The following FBXO5 variants were observed in gnomAD, a reference collection of about 807,000 sequenced individuals.
FBXO5 encodes F-box protein 5, also known as F-box only protein 5.
FBXO5 carries 8 observed loss-of-function variants against 43.3 expected under a neutral mutation model. The ratio of observed to expected loss-of-function variants is 0.18; its 90% CI spans 0.11 to 0.33. FBXO5 has a LOEUF of 0.33. Ranked by LOEUF, FBXO5 falls within the 10% of genes least tolerant of loss-of-function variation. The probability of loss-of-function intolerance (pLI) is 1.00; values close to 1 mark genes in which losing one functional copy is unlikely to be tolerated. For missense variants in FBXO5, 491 were observed against 535.7 expected, an observed-to-expected ratio of 0.92 and a Z score of 0.82; for synonymous variants, 204 against 193.7, an observed-to-expected ratio of 1.05 and a Z score of -0.44.
chr6:152,972,744 A>G (rs969104184), intron 3 of FBXO5: 3 of 468,770 alleles, frequency 6.4e-6, no homozygotes, highest in African/African-American at 5.8e-5. Context: ...CAAATTTTCC[A>G]GATGTTATAA....
chr6:152,973,532 A>T (rs9322406), intron 2 of FBXO5: 25,994 of 159,776 alleles, frequency 0.16, 2,663 homozygotes, highest in Non-Finnish European at 0.23. Context: ...GAAACTCACT[A>T]TGTTAACAGA....
intron 4 of FBXO5, 92 bp downstream of exon 4, chr6:152,972,180 G>C: frequency 1.2e-6 from 1 of 838,660 alleles, no homozygotes; most frequent in Non-Finnish European, 1.8e-6. Context: ...TTATTATCTA[G>C]AGCAAAGTTA....
intron 3 of FBXO5, 170 bp downstream of exon 3, chr6:152,972,876 T>C (rs1778107196): frequency 2.2e-6 from 1 of 455,830 alleles, no homozygotes; most frequent in Non-Finnish European, 3.8e-6. Context: ...AAGAAATAAA[T>C]GTTGAGTTGA....
intron 1 of FBXO5, among the ~76,000 whole-genome samples, chr6:152,979,789 T>C (rs962881557): frequency 6.6e-6 from 1 of 152,226 alleles, no homozygotes; most frequent in Non-Finnish European, 1.5e-5. Context: ...TTCACATACT[T>C]AAATCATTTT....
At position 152,975,536 on chromosome 6, in the gene FBXO5, T is replaced by C. The variant is rs751365573; in HGVS notation, c.189A>G (p.Val63=). ...CTAGTCTTCCAATGTCATCAGGTTT[T>C]ACCAGTTTAAGTCCGGAATGAACAT... is the stretch of plus-strand genomic sequence containing the variant. ...CNHVHSGLKL[V]KPDDIGRLVS... Residue 63 remains valine (V), a synonymous_variant, in exon 2 of 5, where the codon GTA becomes GTG. Coordinates refer to ENST00000229758, the MANE Select transcript of FBXO5 (RefSeq NM_012177.5). The C allele has an allele frequency of 3.1e-6, 5 of 1,613,614 alleles. No individual in the cohort carries two copies. Among genetic ancestry groups the C allele is most frequent in the South Asian group, 2.2e-5 (2 of 91,012 alleles).
rs756791089 is a variant in FBXO5 at position 152,974,980 on chromosome 6, C to T, written c.745G>A (p.Glu249Lys). The T allele has an allele frequency of 4.3e-6, 7 of 1,613,438 alleles. No individual in the cohort carries two copies. The East Asian group carries it at 6.7e-5, about 15-fold the overall frequency. Residue 249 changes from glutamate to lysine, a missense_variant, in exon 2 of 5, where the codon GAA (glutamate) becomes AAA (lysine). Transcript: ENST00000229758. The part of the protein sequence containing the change: ...MGLECVDILS[E>K]LFRRGLRHVL... ...TGTCTGAGTCCCCTTCGAAAGAGTT[C>T]GCTGAGAATATCTACACATTCTAGG...
Position 152,983,017 on chromosome 6 carries a change from A to C in FBXO5, c.-58T>G, listed in dbSNP as rs982505446. 2 of 1,074,546 alleles carry C rather than the reference A, an allele frequency of 1.9e-6. No individual in the cohort carries two copies. The highest frequency in any genetic ancestry group is 3.3e-5 in the African/African-American group (2 of 59,838). 66.6% of individuals were successfully genotyped at this position (1,074,546 alleles called of 1,614,324 possible). ...GAACCGCTCCGGGGGCAGCTGAGCA[A>C]CCTGCCTGCTTCACAGACCTGTATC... On this transcript the variant is annotated 5_prime_UTR_variant, in exon 1 of 5. Coordinates refer to ENST00000229758, the MANE Select transcript of FBXO5 (RefSeq NM_012177.5).
At chr6:152,981,979 T>A (rs1401181629) in intron 1 of FBXO5, among the ~76,000 whole-genome samples, 2 of 152,210 alleles carry the variant, frequency 1.3e-5, no homozygotes, top group African/African-American at 2.4e-5. Flanking sequence ...TAATTCTTCA[T>A]GAGTTATCGG....
intron 1 of FBXO5, among the ~76,000 whole-genome samples, chr6:152,979,976 A>C (rs544937491): frequency 6.6e-6 from 1 of 152,348 alleles, no homozygotes; most frequent in East Asian, 1.9e-4. Flanking sequence ...ATTTTAAAAT[A>C]TGAAATTAAT....
chr6:152,980,100 G>A (rs1350465365), intron 1 of FBXO5, among the ~76,000 whole-genome samples: 1 of 152,174 alleles, frequency 6.6e-6, no homozygotes, highest in Admixed American at 6.5e-5. Flanking sequence ...CTTTTAACTA[G>A]CTAAGTGTTT....
chr6:152,972,225 CTCTAAATCTCTTATGTTTTAAGA>C, intron 4 of FBXO5, 24 bp downstream of exon 4: 1 of 1,419,454 alleles, frequency 7.0e-7, no homozygotes, highest in Non-Finnish European at 9.7e-7. Context: ...ACATTTCTTA[CTCTAAATCTCTTATGTTTTAAGA>C]TTTATGATTA....
At chr6:152,979,004 A>C (rs1184365266) in intron 1 of FBXO5, among the ~76,000 whole-genome samples, 1 of 152,118 alleles carries the variant, frequency 6.6e-6, no homozygotes, top group Admixed American at 6.5e-5. Context: ...AAAAAAGAAA[A>C]AAGAAAAAAA....
chr6:152,972,205 A>C, intron 4 of FBXO5, 67 bp downstream of exon 4: 1 of 1,218,106 alleles, frequency 8.2e-7, no homozygotes, highest in Non-Finnish European at 1.1e-6. Context: ...TTGACCTTGA[A>C]AGTTCTTTTA....
At position 152,977,813 on chromosome 6, in the gene FBXO5, A is replaced by G. The variant is rs1374831681; in HGVS notation, c.104-2192T>C. On this transcript the variant is annotated intron_variant, in intron 1 of 4. Coordinates refer to ENST00000229758, the MANE Select transcript of FBXO5 (RefSeq NM_012177.5). ...GCCTGAAAATACTTCAGGAATTCAA[A>G]GTCATTCTCTTTCTGCTGTCTTTAG... Among the ~76,000 whole-genome samples, 4 of 152,322 alleles carry G rather than the reference A, an allele frequency of 2.6e-5. No individual in the cohort carries two copies. In the South Asian group the frequency reaches 6.2e-4, roughly 24 times the overall value.
At chr6:152,973,990 T>C (rs6906510) in intron 2 of FBXO5, 31,231 of 150,750 alleles carry the variant, frequency 0.21, 3,464 homozygotes, top group African/African-American at 0.29. Context: ...AAAAAACAAC[T>C]CCAGTTAAGT....
At position 152,975,342 on chromosome 6, in the gene FBXO5, T is replaced by G. The variant is rs759331690; in HGVS notation, c.383A>C (p.Asn128Thr). The G allele has an allele frequency of 8.1e-6, 13 of 1,614,066 alleles. No homozygotes were observed. The South Asian group carries it at 1.3e-4, about 16-fold the overall frequency. ...KENQHVQQTL[N>T]STNEIEALET... is the part of the protein sequence containing the mutation. ...TAGTGCTTCTATTTCATTTGTACTA[T>G]TAAGTGTCTGTTGCACATGTTGATT... The change falls in exon 2 of 5, where the codon AAT becomes ACT. Residue 128 changes from asparagine to threonine, a missense_variant. Asn to Thr is a moderately conservative substitution (Grantham distance 65, BLOSUM62 0). Coordinates refer to ENST00000229758, the MANE Select transcript of FBXO5 (RefSeq NM_012177.5).
At position 152,983,038 on chromosome 6, in the gene FBXO5, G is replaced by GT. The variant is rs992937576; in HGVS notation, c.-80dup. The GT allele has an allele frequency of 7.1e-6, 6 of 844,198 alleles. No homozygotes were observed. Among genetic ancestry groups the GT allele is most frequent in the Middle Eastern group, 2.4e-4 (1 of 4,226 alleles). 52.3% of individuals were successfully genotyped at this position (844,198 alleles called of 1,614,324 possible). ...AGCAACCTGCCTGCTTCACAGACCT[G>GT]TATCTCTTAAAAGGCGCCAGCTGGT... On this transcript the variant is annotated 5_prime_UTR_variant, in exon 1 of 5. Coordinates refer to ENST00000229758, the MANE Select transcript of FBXO5 (RefSeq NM_012177.5).
intron 1 of FBXO5, among the ~76,000 whole-genome samples, chr6:152,976,128 C>G (rs1429923440): frequency 1.3e-5 from 2 of 152,072 alleles, no homozygotes; most frequent in African/African-American, 4.8e-5. Context: ...AAGCCACTGA[C>G]AGCAAAAGTG....
chr6:152,978,824 A>C (rs1296716779), intron 1 of FBXO5, among the ~76,000 whole-genome samples: 1 of 151,920 alleles, frequency 6.6e-6, no homozygotes, highest in Non-Finnish European at 1.5e-5. Context: ...CCATCTCTAC[A>C]ACAATTAAAA....
Sources: gnomAD v4.1 joint callset for allele counts (sites outside exome capture counted in the v4.1 genomes callset) on GRCh38, gnomAD v4.1.1 for gene constraint, MANE v1.5 for transcripts, NCBI Gene and HGNC (gene_info 2026-07-23, HGNC 2026-07-21) for gene names.